Variants in RARB observed in about 807,000 individuals in gnomAD.
RARB encodes the protein HBV-activated protein.
RARB carries 17 observed loss-of-function variants against 51.9 expected under a neutral mutation model. The ratio of observed to expected loss-of-function variants is 0.33; its 90% CI spans 0.22 to 0.49. The LOEUF (loss-of-function observed/expected upper bound fraction) is 0.49. RARB is among the 20% of genes least tolerant of loss of function. The pLI, the probability that RARB is intolerant of heterozygous loss-of-function variation, is 0.99. For synonymous variants in RARB, 215 were observed against 195.4 expected, an observed-to-expected ratio of 1.10 and a Z score of -0.84; for missense variants, 369 against 550.8, an observed-to-expected ratio of 0.67 and a Z score of 3.30.
At chr3:25,290,718 A>G (rs1703765810) in intron 5 of RARB, among the ~76,000 whole-genome samples, 2 of 152,168 alleles carry the variant, frequency 1.3e-5, no homozygotes. Context: ...CTATTGGTTG[A>G]TAACTGGAGT....
intron 3 of RARB, among the ~76,000 whole-genome samples, chr3:25,521,464 G>A (rs528830690): frequency 2.4e-4 from 37 of 152,288 alleles, no homozygotes; most frequent in African/African-American, 8.7e-4. Flanking sequence ...TATTCCTGGT[G>A]CCTCTGACAG....
chr3:25,586,562 A>G (rs992755215), intron 5 of RARB, among the ~76,000 whole-genome samples: 2 of 152,226 alleles, frequency 1.3e-5, no homozygotes, highest in African/African-American at 2.4e-5. Flanking sequence ...TACAAGACAC[A>G]CGGCTTCCTG....
At chr3:24,964,882 A>G (rs933721087) in intron 2 of RARB, among the ~76,000 whole-genome samples, 1 of 152,148 alleles carries the variant, frequency 6.6e-6, no homozygotes, top group African/African-American at 2.4e-5. Context: ...GCTGGTGGGA[A>G]AGATATTTGT....
chr3:25,028,196 A>G (rs1055396152), intron 2 of RARB, among the ~76,000 whole-genome samples: 4 of 152,154 alleles, frequency 2.6e-5, no homozygotes, highest in Non-Finnish European at 4.4e-5. Flanking sequence ...TTAGAATGCA[A>G]TTCTCAGGCC....
At chr3:25,203,522 A>G (rs1559503900) in intron 5 of RARB, among the ~76,000 whole-genome samples, 1 of 152,174 alleles carries the variant, frequency 6.6e-6, no homozygotes, top group East Asian at 1.9e-4. Flanking sequence ...GTTTCTTCCT[A>G]GCCTTGATGG....
At position 25,594,420 on chromosome 3, in the gene RARB, C is replaced by A. The variant is rs112451750; in HGVS notation, c.992-100C>A. ...CAAATTTGTGTATGTAATTGAATTA[C>A]CAAATTAATGAACTCATAACAGTAG... On this transcript the variant is annotated intron_variant, in intron 6 of 7. Transcript: ENST00000330688. 1.6e-3 allele frequency: 2,004 copies of A among 1,240,592 alleles called. 26 individuals carry two copies. The African/African-American group carries it at 0.028, about 17-fold the overall frequency. The allele number at this position is 1,240,592 out of a possible 1,614,324, so 76.8% of individuals were successfully genotyped here. A position where few individuals can be genotyped will look rare whatever the true frequency, so the allele number is the denominator to read the frequency against.
chr3:25,174,213 C>CCGTATCATT, exon 5 of RARB: 1 of 358,396 alleles, frequency 2.8e-6, no homozygotes. Context: ...ATCAGTGTAG[C>CCGTATCATT]AAAATGACAG....
chr3:25,058,285 T>C (rs10510554), intron 2 of RARB, among the ~76,000 whole-genome samples: 79,937 of 151,546 alleles, frequency 0.53, 21,567 homozygotes, highest in East Asian at 0.6. Context: ...GATGTTGATA[T>C]AGTATGCTTT....
rs372158592 is a variant in RARB, at chr3:25,480,207, A to C, written c.306+18866A>C. ...AATCCAGTTTCATCTTTTGTGTAAT[A>C]ACATGTGAGCACTGGAATAATTTTG... is the stretch of plus-strand genomic sequence containing the variant. On this transcript the variant is annotated intron_variant, in intron 2 of 7. Transcript: ENST00000330688. 2.2e-4 allele frequency among the ~76,000 whole-genome samples: 34 copies of C among 152,326 alleles called. 1 individual carries two copies. The highest frequency in any genetic ancestry group is 3.4e-3 in the Middle Eastern group (1 of 294).
intron 5 of RARB, among the ~76,000 whole-genome samples, chr3:25,229,299 A>C (rs541281993): frequency 1.3e-5 from 2 of 152,252 alleles, no homozygotes; most frequent in Admixed American, 6.6e-5. Context: ...ATTTTAAGAA[A>C]GATAATATAC....
At chr3:25,305,432 CA>C (rs1309997476) in intron 5 of RARB, among the ~76,000 whole-genome samples, 2 of 152,136 alleles carry the variant, frequency 1.3e-5, no homozygotes, top group Non-Finnish European at 2.9e-5. Flanking sequence ...ATATACCACC[CA>C]AAAGGCAAAA....
At chr3:25,326,424 T>C (rs956395761) in intron 5 of RARB, among the ~76,000 whole-genome samples, 1 of 152,226 alleles carries the variant, frequency 6.6e-6, no homozygotes, top group Non-Finnish European at 1.5e-5. Context: ...AAAGACAAGA[T>C]GTCCCCAGTT....
chr3:24,977,908 A>G (rs968833108), intron 2 of RARB, among the ~76,000 whole-genome samples: 1 of 152,094 alleles, frequency 6.6e-6, no homozygotes, highest in South Asian at 2.1e-4. Flanking sequence ...AATAGCTCTT[A>G]TTATTTTGAG....
chr3:25,339,711 C>T (rs1483833), intron 5 of RARB, among the ~76,000 whole-genome samples: 3,830 of 151,908 alleles, frequency 0.025, 183 homozygotes, highest in African/African-American at 0.088. Flanking sequence ...TGTGTTATAG[C>T]CGTGGTTTGG....
chr3:24,988,539 G>T (rs1575107605), intron 2 of RARB, among the ~76,000 whole-genome samples: 1 of 152,066 alleles, frequency 6.6e-6, no homozygotes, highest in Non-Finnish European at 1.5e-5. Flanking sequence ...TAACCCTAAA[G>T]TTGGGAAGTA....
intron 5 of RARB, among the ~76,000 whole-genome samples, chr3:25,306,442 T>A (rs73051650): frequency 1.8e-3 from 266 of 151,934 alleles, no homozygotes; most frequent in Admixed American, 2.8e-3. Context: ...GTGTTATTGA[T>A]GTCATTACCT....
At chr3:25,020,027 T>C (rs1697594950) in intron 2 of RARB, 1 of 152,010 alleles carries the variant, frequency 6.6e-6, no homozygotes, top group Non-Finnish European at 1.5e-5. Flanking sequence ...ACCTTTCTTA[T>C]ATGAGTAAGT....
chr3:25,063,840 A>G (rs796861020), intron 3 of RARB, among the ~76,000 whole-genome samples: 4 of 152,142 alleles, frequency 2.6e-5, no homozygotes, highest in African/African-American at 7.2e-5. Context: ...CTCTTAGTCC[A>G]TATCACTAAG....
intron 2 of RARB, among the ~76,000 whole-genome samples, chr3:25,050,446 T>G (rs971111250): frequency 1.3e-5 from 2 of 152,094 alleles, no homozygotes; most frequent in African/African-American, 4.8e-5. Context: ...AAAAAAAAAT[T>G]AACTCTCATC....
Sources: gnomAD v4.1 joint callset for allele counts (sites outside exome capture counted in the v4.1 genomes callset) on GRCh38, gnomAD v4.1.1 for gene constraint, MANE v1.5 for transcripts, NCBI Gene and HGNC (gene_info 2026-07-23, HGNC 2026-07-21) for gene names.